UGT2B10: variants seen among roughly 807,000 people sequenced by gnomAD.
UGT2B10 encodes UDP-glucuronosyltransferase 2B10.
A neutral mutation model predicts 43.7 loss-of-function variants in UGT2B10; 51 were observed. The observed-to-expected ratio is 1.17, with a 90% CI of 0.93 to 1.47. The LOEUF is 1.47. Ranked by LOEUF, UGT2B10 falls within the 40% of genes most tolerant of loss-of-function variation. UGT2B10 has a pLI of 0.00. For synonymous variants in UGT2B10, 225 were observed against 209.0 expected, an observed-to-expected ratio of 1.08 and a Z score of -0.66; for missense variants, 696 against 617.7, an observed-to-expected ratio of 1.13 and a Z score of -1.34.
At chr4:68,817,559 T>C (rs956494152) in intron 1 of UGT2B10, among the ~76,000 whole-genome samples, 6 of 151,844 alleles carry the variant, frequency 4.0e-5, no homozygotes, top group Admixed American at 3.9e-4. Flanking sequence ...CACAAAATAG[T>C]CCACAGTTAA....
At chr4:68,820,247 T>C (rs113342890) in intron 2 of UGT2B10, among the ~76,000 whole-genome samples, 15,266 of 152,110 alleles carry the variant, frequency 0.1, 886 homozygotes, top group African/African-American at 0.16. Flanking sequence ...AGTCAATGGT[T>C]GTGAAACCAG....
intron 1 of UGT2B10, 141 bp downstream of exon 1, chr4:68,816,878 A>T: frequency 2.5e-6 from 2 of 796,278 alleles, no homozygotes; most frequent in Non-Finnish European, 3.8e-6. Flanking sequence ...TGATCTACCA[A>T]TCTCACAAAT....
chr4:68,830,105 A>C (rs1431327194), intron 5 of UGT2B10, among the ~76,000 whole-genome samples: 1 of 152,032 alleles, frequency 6.6e-6, no homozygotes, highest in African/African-American at 2.4e-5. Context: ...TTCTTGCAGC[A>C]CTTAAAATGG....
chr4:68,828,477 A>G lies in UGT2B10; in HGVS notation c.1307+929A>G, dbSNP rs367925953. 2.4e-4 allele frequency among the ~76,000 whole-genome samples: 37 copies of G among 152,140 alleles called. No individual in the cohort carries two copies. In the South Asian group the frequency reaches 7.5e-3, roughly 31 times the overall value. ...TAGAAGGATAAAGAATGATCAAAAC[A>G]CCTTTAAAGAAGATGGGAAATAATT... is the stretch of plus-strand genomic sequence containing the variant. On this transcript the variant is annotated intron_variant, in intron 5 of 5. Transcript: ENST00000265403.
rs150006446 is a variant in UGT2B10, at chr4:68,821,651, C to T, written c.868-620C>T. On this transcript the variant is annotated intron_variant, in intron 2 of 5. Transcript: ENST00000265403. The stretch of plus-strand genomic sequence containing the variant: ...TCCAGAATGTCAGTGATTCTTAACC[C>T]CCAGCTTTTATTTTTTATTTTATTT... Among the ~76,000 whole-genome samples the T allele has an allele frequency of 6.5e-3, 986 of 152,230 alleles. 17 individuals carry two copies. The highest frequency in any genetic ancestry group is 0.023 in the African/African-American group (941 of 41,560).
chr4:68,828,722 A>G (rs893233033), intron 5 of UGT2B10, among the ~76,000 whole-genome samples: 61 of 152,172 alleles, frequency 4.0e-4, no homozygotes, highest in African/African-American at 1.3e-3. Context: ...TACAATACAC[A>G]TATATGTATC....
chr4:68,824,544 T>A (rs1030400978), intron 3 of UGT2B10, among the ~76,000 whole-genome samples: 1 of 152,200 alleles, frequency 6.6e-6, no homozygotes, highest in East Asian at 1.9e-4. Flanking sequence ...AATAAACCAG[T>A]GACCTTTGTC....
intron 2 of UGT2B10, 74 bp downstream of exon 2, chr4:68,818,251 G>A: frequency 6.3e-7 from 1 of 1,576,148 alleles, no homozygotes; most frequent in Non-Finnish European, 8.6e-7. Flanking sequence ...TCTTCATTCA[G>A]AGTGTTTGAC....
intron 5 of UGT2B10, among the ~76,000 whole-genome samples, chr4:68,829,124 C>A (rs7674011): frequency 0.021 from 3,240 of 152,014 alleles, 125 homozygotes; most frequent in African/African-American, 0.073. Flanking sequence ...ACAGAAATAT[C>A]TATTCAACAT....
In UGT2B10 at chr4:68,827,401, T is replaced by A; in HGVS notation, c.1160T>A (p.Ile387Asn). 1.2e-6 allele frequency: 2 copies of A among 1,613,508 alleles called. No homozygotes were observed. Among genetic ancestry groups the A allele is most frequent in the Non-Finnish European group, 1.7e-6 (2 of 1,179,588 alleles). Reference protein sequence around the residue: ...NGIYEAIYHGIPMVGIPLFFD... With the variant: ...NGIYEAIYHGNPMVGIPLFFD... ...ATCTATGAGGCAATCTACCATGGGA[T>A]CCCTATGGTGGGCATTCCATTGTTT... The change falls in exon 5 of 6, where the codon ATC becomes AAC. Residue 387 changes from isoleucine to asparagine, a missense_variant. Ile to Asn is a moderately radical substitution (Grantham distance 149, BLOSUM62 -3). Transcript: ENST00000265403.
At chr4:68,821,626 T>A (rs1737501231) in intron 2 of UGT2B10, among the ~76,000 whole-genome samples, 1 of 152,160 alleles carries the variant, frequency 6.6e-6, no homozygotes, top group Admixed American at 6.6e-5. Flanking sequence ...AATACTAGAC[T>A]CCAGAATGTC....
At chr4:68,826,533 A>G in intron 4 of UGT2B10, 36 bp downstream of exon 4, 1 of 1,589,082 alleles carries the variant, frequency 6.3e-7, no homozygotes, top group Non-Finnish European at 8.6e-7. Flanking sequence ...ATATATTAGT[A>G]ACTGCACATT....
intron 2 of UGT2B10, among the ~76,000 whole-genome samples, chr4:68,821,326 G>C (rs1417147827): frequency 1.3e-5 from 2 of 152,118 alleles, no homozygotes; most frequent in African/African-American, 4.8e-5. Context: ...AGTGTAATGT[G>C]GTGTGCGTGA....
Position 68,830,704 on chromosome 4 carries a change from G to A in UGT2B10, c.1412G>A (p.Gly471Glu), listed in dbSNP as rs145159685. The change falls in exon 6 of 6, where the codon GGA becomes GAA. Residue 471 changes from glycine to glutamate, a missense_variant. Transcript: ENST00000265403. The stretch of plus-strand genomic sequence containing the variant: ...ATTGAATTTGTCATGCGCCACAAAG[G>A]AGCCAAACATCTTCGAGTTGCAGCC... ...FWIEFVMRHK[G>E]AKHLRVAAHN... 1 of 1,613,412 alleles carries A rather than the reference G, an allele frequency of 6.2e-7. No homozygotes were observed. The highest frequency in any genetic ancestry group is 8.5e-7 in the Non-Finnish European group (1 of 1,179,514).
intron 3 of UGT2B10, among the ~76,000 whole-genome samples, chr4:68,825,614 G>C (rs575269612): frequency 1.3e-5 from 2 of 152,018 alleles, no homozygotes; most frequent in South Asian, 2.1e-4. Context: ...TCCTATGTTA[G>C]TTTGCTAAGG....
intron 4 of UGT2B10, 73 bp downstream of exon 4, chr4:68,826,570 A>G: frequency 6.7e-7 from 1 of 1,484,924 alleles, no homozygotes; most frequent in South Asian, 1.3e-5. Flanking sequence ...ATCTCGAAGC[A>G]TGCTTATTGA....
At position 68,816,442 on chromosome 4, in the gene UGT2B10, G is replaced by A. The variant is rs191541604; in HGVS notation, c.423G>A (p.Glu141=). The A allele has an allele frequency of 4.0e-5, 64 of 1,613,184 alleles. No homozygotes were observed. In the African/African-American group the frequency reaches 5.7e-4, roughly 14 times the overall value. ...AGAAACTTATGAAAAAACTACAAGA[G>A]TCAAGATTTGACATCGTTTTTGCAG... ...SNKKLMKKLQ[E]SRFDIVFADA... Residue 141 remains glutamate (E), a synonymous_variant, in exon 1 of 6, where the codon GAG becomes GAA. Transcript: ENST00000265403.
chr4:68,830,468 T>C, intron 5 of UGT2B10, 132 bp from the exon 6 acceptor site: 1 of 1,151,398 alleles, frequency 8.7e-7, no homozygotes, highest in Non-Finnish European at 1.1e-6. Flanking sequence ...CAAATTAAAA[T>C]ACATAAATTC....
chr4:68,831,114 A>G lies in UGT2B10; in HGVS notation c.*235A>G, dbSNP rs988525160. The G allele has an allele frequency of 1.7e-5, 9 of 533,178 alleles. No individual in the cohort carries two copies. The highest frequency in any genetic ancestry group is 2.2e-5 in the Non-Finnish European group (7 of 315,756). 33.0% of individuals were successfully genotyped at this position (533,178 alleles called of 1,614,324 possible). Reference sequence around the variant, plus strand: ...GGGAAATAAAAAATAATATAAAGCCATATGAGCTTGTATTGAAATTTGTTG... The same window carrying G: ...GGGAAATAAAAAATAATATAAAGCCGTATGAGCTTGTATTGAAATTTGTTG... On this transcript the variant is annotated 3_prime_UTR_variant, in exon 6 of 6. Transcript: ENST00000265403.
Sources: allele counts gnomAD v4.1 joint callset (sites outside exome capture counted in the v4.1 genomes callset), GRCh38; gene constraint gnomAD v4.1.1; transcripts MANE v1.5; gene names NCBI Gene and HGNC (gene_info 2026-07-23, HGNC 2026-07-21).